The following TRAF3 variants were observed in gnomAD, a reference collection of about 807,000 sequenced individuals.
TRAF3 encodes the protein TNF receptor associated factor 3.
TRAF3 carries 13 observed loss-of-function variants against 62.3 expected under a neutral mutation model. That is an observed-to-expected ratio of 0.21 (90% CI 0.14 to 0.33). The LOEUF is 0.33. Among genes scored for constraint, TRAF3 ranks in the 10% least tolerant of loss-of-function variants. The pLI, the probability that TRAF3 is intolerant of heterozygous loss-of-function variation, is 1.00. For synonymous variants in TRAF3, 269 were observed against 283.4 expected (o/e 0.95, Z 0.51); for missense variants, 440 against 741.8 (o/e 0.59, Z 4.73).
At chr14:102,796,547 C>T (rs557398037) in intron 1 of TRAF3, among the ~76,000 whole-genome samples, 38 of 152,342 alleles carry the variant, frequency 2.5e-4, no homozygotes, top group African/African-American at 8.2e-4. Context: ...GGGGGGTGGA[C>T]AGCCTTGGCG....
chr14:102,851,176 A>G (rs548961982), intron 2 of TRAF3, among the ~76,000 whole-genome samples: 1 of 152,342 alleles, frequency 6.6e-6, no homozygotes, highest in South Asian at 2.1e-4. Context: ...ATTATTATAA[A>G]TATTGTAGAA....
At chr14:102,892,245 A>G (rs561348709) in intron 9 of TRAF3, among the ~76,000 whole-genome samples, 2 of 152,066 alleles carry the variant, frequency 1.3e-5, no homozygotes, top group East Asian at 1.9e-4. Context: ...TTTAGTAGAG[A>G]TGGGGTTTCT....
At chr14:102,861,683 A>G (rs1270940518) in intron 2 of TRAF3, among the ~76,000 whole-genome samples, 1 of 152,142 alleles carries the variant, frequency 6.6e-6, no homozygotes, top group Non-Finnish European at 1.5e-5. Flanking sequence ...ATTGAATCTC[A>G]TGCAAGAAAG....
Position 102,853,645 on chromosome 14 carries a change from G to A in TRAF3, c.-17-16540G>A, listed in dbSNP as rs191194724. ...AGGTCAAGAGTTCGAGACCAGCCTC[G>A]CCAACATGGTGAAACCCCCATCTCT... On this transcript the variant is annotated intron_variant, in intron 2 of 11. Coordinates refer to ENST00000392745, the MANE Select transcript of TRAF3 (RefSeq NM_145725.3). Among the ~76,000 whole-genome samples, 269 of 151,794 alleles carry A rather than the reference G, an allele frequency of 1.8e-3. 2 individuals are homozygous for A. Among genetic ancestry groups the A allele is most frequent in the African/African-American group, 6.2e-3 (255 of 41,376 alleles).
At chr14:102,900,541 G>C (rs1478224379) in intron 10 of TRAF3, among the ~76,000 whole-genome samples, 1 of 152,216 alleles carries the variant, frequency 6.6e-6, no homozygotes, top group Non-Finnish European at 1.5e-5. Context: ...CATGACCCAG[G>C]CTTCTGGTGT....
chr14:102,791,271 G>C (rs759700467), intron 1 of TRAF3, among the ~76,000 whole-genome samples: 1 of 151,822 alleles, frequency 6.6e-6, no homozygotes, highest in Non-Finnish European at 1.5e-5. Context: ...CACCCACCTC[G>C]GCCTCCCAAA....
Position 102,906,056 on chromosome 14 carries a change from C to A in TRAF3, c.*272C>A. 2.6e-6 allele frequency: 1 copy of A among 384,152 alleles called. No homozygotes were observed. Among genetic ancestry groups the A allele is most frequent in the Non-Finnish European group, 4.7e-6 (1 of 213,602 alleles). 23.8% of individuals were successfully genotyped at this position (384,152 alleles called of 1,614,324 possible). ...GGTTTTCATTTTCATTTTTAAAGAT[C>A]TAGTTAATTAAGGTGGAAAACATAT... On this transcript the variant is annotated 3_prime_UTR_variant, in exon 12 of 12. Coordinates refer to ENST00000392745, the MANE Select transcript of TRAF3 (RefSeq NM_145725.3).
chr14:102,809,529 C>CTTTTTTTTTTT (rs60882875), intron 1 of TRAF3, among the ~76,000 whole-genome samples: 1 of 114,916 alleles, frequency 8.7e-6, no homozygotes, highest in Non-Finnish European at 1.7e-5. Context: ...ACAGCATAGA[C>CTTTTTTTTTTT]TTTTTTTTTT....
chr14:102,849,843 G>A (rs976723063), intron 2 of TRAF3, among the ~76,000 whole-genome samples: 3 of 152,202 alleles, frequency 2.0e-5, no homozygotes, highest in South Asian at 2.1e-4. Flanking sequence ...CTGTCTGTTC[G>A]TGATCTTTGC....
At chr14:102,811,298 CT>C (rs1187740539) in intron 1 of TRAF3, among the ~76,000 whole-genome samples, 9,279 of 143,412 alleles carry the variant, frequency 0.065, 796 homozygotes, top group African/African-American at 0.21. Flanking sequence ...CAATGGGTAC[CT>C]TTTTTTTTTT....
intron 2 of TRAF3, among the ~76,000 whole-genome samples, chr14:102,836,624 T>A (rs1199189914): frequency 6.6e-6 from 1 of 152,226 alleles, no homozygotes; most frequent in African/African-American, 2.4e-5. Context: ...GAGTTTGTAC[T>A]AGTGTGTCTA....
In TRAF3 at chr14:102,834,687, C is replaced by CAAAAAAA. The variant is rs35056615; in HGVS notation, c.-18+4229_-18+4235dup. ...TGGGTGACAGAGCGAGACTCCGTCT[C>CAAAAAAA]AAAAAAAAAAAAAAAAAAAAGAAAT... On this transcript the variant is annotated intron_variant, in intron 2 of 11. Transcript: ENST00000392745. Among the ~76,000 whole-genome samples, 16 of 54,236 alleles carry CAAAAAAA rather than the reference C, an allele frequency of 3.0e-4. 1 individual carries two copies. Among genetic ancestry groups the CAAAAAAA allele is most frequent in the South Asian group, 1.4e-3 (2 of 1,468 alleles). 35.6% of individuals were successfully genotyped at this position (54,236 alleles called of 152,430 possible).
intron 1 of TRAF3, among the ~76,000 whole-genome samples, chr14:102,809,837 T>G (rs1410064874): frequency 1.3e-5 from 2 of 152,168 alleles, no homozygotes; most frequent in African/African-American, 4.8e-5. Flanking sequence ...GCCCACAGCA[T>G]AGACTTTTAA....
At chr14:102,791,813 C>CT (rs112341301) in intron 1 of TRAF3, among the ~76,000 whole-genome samples, 32,934 of 146,210 alleles carry the variant, frequency 0.23, 3,844 homozygotes, top group East Asian at 0.39. Context: ...TCTTTCTTTC[C>CT]TTTTTTTTTT....
At chr14:102,860,674 C>T (rs1179749885) in intron 2 of TRAF3, among the ~76,000 whole-genome samples, 2 of 152,210 alleles carry the variant, frequency 1.3e-5, no homozygotes, top group African/African-American at 4.8e-5. Context: ...CAAATGCCAA[C>T]CAGAAAGTGC....
At chr14:102,796,624 GCAGGGGAAAAA>G (rs781047922) in intron 1 of TRAF3, among the ~76,000 whole-genome samples, 1 of 152,196 alleles carries the variant, frequency 6.6e-6, no homozygotes, top group Non-Finnish European at 1.5e-5. Flanking sequence ...GGTTGTGAGA[GCAGGGGAAAAA>G]CACAGGTTGA....
In TRAF3 at chr14:102,907,327, G is replaced by C. The variant is rs1332960088; in HGVS notation, c.*1543G>C. ...CTCCTGACCACCACCCTGGCGGGAA[G>C]GGTGGCCACGGGGCCCGTCGTCCCA... On this transcript the variant is annotated 3_prime_UTR_variant, in exon 12 of 12. Transcript: ENST00000392745. The C allele has an allele frequency of 6.6e-6, 1 of 152,312 alleles. No individual in the cohort carries two copies. The highest frequency in any genetic ancestry group is 1.5e-5 in the Non-Finnish European group (1 of 68,108). The allele number at this position is 152,312 out of a possible 1,614,324, so 9.4% of individuals were successfully genotyped here. A position where few individuals can be genotyped will look rare whatever the true frequency, so the allele number is the denominator to read the frequency against.
rs750769452 is a variant in TRAF3 at position 102,876,682 on chromosome 14, C to T, written c.570+157C>T. The T allele has an allele frequency of 2.7e-4, 267 of 996,728 alleles. 2 individuals carry two copies. Among genetic ancestry groups the T allele is most frequent in the Admixed American group, 1.2e-3 (60 of 48,820 alleles). 61.7% of individuals were successfully genotyped at this position (996,728 alleles called of 1,614,324 possible). A position where few individuals can be genotyped will look rare whatever the true frequency, so the allele number is the denominator to read the frequency against. On this transcript the variant is annotated intron_variant, in intron 6 of 11. Coordinates refer to ENST00000392745, the MANE Select transcript of TRAF3 (RefSeq NM_145725.3). ...CCTTCCACTCAGTTCATAGATATTC[C>T]GTTCCACAGGCCTTCCGCTCAATTC...
intron 2 of TRAF3, among the ~76,000 whole-genome samples, chr14:102,839,403 A>G (rs1291788139): frequency 2.0e-5 from 3 of 151,830 alleles, no homozygotes; most frequent in African/African-American, 4.8e-5. Flanking sequence ...TATTTTTAGT[A>G]GAGACGGGGT....
Sources: gnomAD v4.1 joint callset for allele counts (sites outside exome capture counted in the v4.1 genomes callset) on GRCh38, gnomAD v4.1.1 for gene constraint, MANE v1.5 for transcripts, NCBI Gene and HGNC (gene_info 2026-07-23, HGNC 2026-07-21) for gene names.